ZNF749: variants seen among roughly 807,000 people sequenced by gnomAD.
The protein encoded by ZNF749 is zinc finger protein 749.
In ZNF749, 8 loss-of-function variants were observed where a neutral mutation model predicts 7.3. That is an observed-to-expected ratio of 1.10 (90% confidence interval 0.64 to 1.98). The LOEUF is 1.98. Among genes scored for constraint, ZNF749 ranks in the 30% most tolerant of loss-of-function variants. ZNF749 has a pLI of 0.00. For missense variants in ZNF749, 898 were observed against 932.4 expected (o/e 0.96, Z 0.48); for synonymous variants, 310 against 322.4 (o/e 0.96, Z 0.41).
chr19:57,435,323 G>A (rs2088922692), upstream of ZNF749: 6 of 603,600 alleles, frequency 9.9e-6, no homozygotes, highest in Non-Finnish European at 1.8e-5. Context: ...TGTGTGGGCG[G>A]GACTTCTGGC....
Position 57,441,959 on chromosome 19 carries a change from A to G in ZNF749, c.90A>G (p.Arg30=). 1 of 1,614,080 alleles carries G rather than the reference A, an allele frequency of 6.2e-7. No homozygotes were observed. Among genetic ancestry groups the G allele is most frequent in the Non-Finnish European group, 8.5e-7 (1 of 1,180,014 alleles). ...GGGGGATCCTTAATGATGCTCAGAGACACCTGCACAGCAATGTGATGTTGG... is the reference window on the plus strand; with the variant it reads ...GGGGGATCCTTAATGATGCTCAGAGGCACCTGCACAGCAATGTGATGTTGG... ...EEWGILNDAQ[R]HLHSNVMLEN... The change falls in exon 2 of 3, where the codon AGA becomes AGG. Residue 30 remains arginine, a synonymous_variant. Transcript: ENST00000334181.
chr19:57,432,727 A>G (rs1188442372), upstream of ZNF749, among the ~76,000 whole-genome samples: 1 of 152,184 alleles, frequency 6.6e-6, no homozygotes, highest in African/African-American at 2.4e-5. Flanking sequence ...TGTGGTTACT[A>G]TACCTGTTTG....
the ZNF749 span, among the ~76,000 whole-genome samples, chr19:57,429,963 G>T: frequency 1.3e-5 from 2 of 152,200 alleles, no homozygotes; most frequent in Non-Finnish European, 2.9e-5. This position sits in a 1 kb window ranked among gnomAD's most constrained non-coding sequence, Gnocchi z 4.2. Flanking sequence ...GCTTTTAGGA[G>T]ACTTGATCTT....
intron 1 of ZNF749, among the ~76,000 whole-genome samples, chr19:57,438,611 G>A (rs1421491408): frequency 6.6e-6 from 1 of 152,180 alleles, no homozygotes; most frequent in Non-Finnish European, 1.5e-5. Flanking sequence ...CCATTGCAGT[G>A]GCAGCAATGC....
chr19:57,444,373 C>T lies in ZNF749; in HGVS notation c.1225C>T (p.Leu409Phe). ...MHQRVHAGKRLYKCSECGKAF... is the reference protein window; with the variant it reads ...MHQRVHAGKRFYKCSECGKAF... Reference sequence around the variant, plus strand: ...CCAGAGAGTTCATGCTGGCAAAAGGCTTTATAAGTGTAGCGAATGTGGGAA... The same window carrying T: ...CCAGAGAGTTCATGCTGGCAAAAGGTTTTATAAGTGTAGCGAATGTGGGAA... Residue 409 changes from leucine to phenylalanine, a missense_variant, in exon 3 of 3, where the codon CTT becomes TTT. Physicochemically the swap from Leu to Phe is conservative, Grantham distance 22. Transcript: ENST00000334181. 6.2e-7 allele frequency: 1 copy of T among 1,614,094 alleles called. No homozygotes were observed. The highest frequency in any genetic ancestry group is 2.2e-5 in the East Asian group (1 of 44,876).
intron 1 of ZNF749, among the ~76,000 whole-genome samples, chr19:57,440,444 G>T (rs1032608364): frequency 6.6e-6 from 1 of 151,744 alleles, no homozygotes; most frequent in Non-Finnish European, 1.5e-5. Flanking sequence ...CTTGGGTTTT[G>T]GGGGGGCTGA....
rs200799405 is a variant in ZNF749, at chr19:57,444,788, A to G, written c.1640A>G (p.Lys547Arg). ...FSKRSDLIQH[K>R]RIDLRPRPYV... ...AAAAGGTCTGACCTCATTCAACACA[A>G]GAGGATTGACCTCAGGCCAAGGCCT... Residue 547 changes from lysine to arginine, a missense_variant, in exon 3 of 3, where the codon AAG (lysine) becomes AGG (arginine). Coordinates refer to ENST00000334181, the MANE Select transcript of ZNF749 (RefSeq NM_001023561.4). 46 of 1,614,088 alleles carry G rather than the reference A, an allele frequency of 2.8e-5. No homozygotes were observed. In the African/African-American group the frequency reaches 5.2e-4, roughly 18 times the overall value.
At position 57,435,452 on chromosome 19, in the gene ZNF749, C is replaced by T. The variant is rs2088924736; in HGVS notation, c.-127C>T. The T allele has an allele frequency of 7.2e-7, 1 of 1,391,262 alleles. No homozygotes were observed. The highest frequency in any genetic ancestry group is 9.9e-7 in the Non-Finnish European group (1 of 1,012,362). 86.2% of individuals were successfully genotyped at this position (1,391,262 alleles called of 1,614,324 possible). A position where few individuals can be genotyped will look rare whatever the true frequency, so the allele number is the denominator to read the frequency against. On this transcript the variant is annotated 5_prime_UTR_variant, in exon 1 of 3. Transcript: ENST00000334181. ...GCGGAAAAACGCGAGAAGCGGTGTT[C>T]CTTCTACACAGAGGCTAGAGTGCGG...
chr19:57,445,168 G>A lies in ZNF749; in HGVS notation c.2020G>A (p.Gly674Arg). 1 of 1,614,100 alleles carries A rather than the reference G, an allele frequency of 6.2e-7. No homozygotes were observed. Among genetic ancestry groups the A allele is most frequent in the Non-Finnish European group, 8.5e-7 (1 of 1,180,010 alleles). ...AAAGCCTTATGAATGCAGCAACTGT[G>A]GGAAGTTTCTTAGATACCGCTCTAC... The part of the protein sequence containing the change: ...GEKPYECSNC[G>R]KFLRYRSTFI... Residue 674 changes from glycine (G) to arginine (R), a missense_variant, in exon 3 of 3, where the codon GGG becomes AGG. Gly to Arg is a moderately radical substitution (Grantham distance 125). Coordinates refer to ENST00000334181, the MANE Select transcript of ZNF749 (RefSeq NM_001023561.4).
the ZNF749 span, among the ~76,000 whole-genome samples, chr19:57,430,189 T>A: frequency 6.6e-6 from 1 of 152,190 alleles, no homozygotes; most frequent in South Asian, 2.1e-4. Flanking sequence ...GAAGAGACAT[T>A]TATTGGCTCG....
Position 57,445,522 on chromosome 19 carries a change from T to G in ZNF749, c.*37T>G. 3 of 1,565,102 alleles carry G rather than the reference T, an allele frequency of 1.9e-6. No individual in the cohort carries two copies. Among genetic ancestry groups the G allele is most frequent in the South Asian group, 1.2e-5 (1 of 82,200 alleles). ...CAGGAAAGTCACCAAAACTGTCACC[T>G]CATTCAGCACCAAAAGGTTCACATC... is the stretch of plus-strand genomic sequence containing the variant. On this transcript the variant is annotated 3_prime_UTR_variant, in exon 3 of 3. Coordinates refer to ENST00000334181, the MANE Select transcript of ZNF749 (RefSeq NM_001023561.4).
intron 1 of ZNF749, among the ~76,000 whole-genome samples, chr19:57,437,105 A>G (rs754493608): frequency 6.6e-6 from 1 of 152,232 alleles, no homozygotes; most frequent in Non-Finnish European, 1.5e-5. Context: ...TATAGATTAC[A>G]GAAACATGAA....
chr19:57,433,111 AGTGTGTGTGTGTGTGT>A (rs71186260), upstream of ZNF749, among the ~76,000 whole-genome samples: 396 of 143,502 alleles, frequency 2.8e-3, 1 homozygote, highest in African/African-American at 8.5e-3. Context: ...AGTCTTGAGG[AGTGTGTGTGTGTGTGT>A]GTGTGTGTGT....
chr19:57,432,905 A>C (rs1447228257), upstream of ZNF749, among the ~76,000 whole-genome samples: 2 of 152,206 alleles, frequency 1.3e-5, no homozygotes, highest in African/African-American at 2.4e-5. Flanking sequence ...GCATTCATGG[A>C]CTGCAAACAG....
chr19:57,445,449 T>G lies in ZNF749; in HGVS notation c.2301T>G (p.Ile767Met), dbSNP rs2089054523. The G allele has an allele frequency of 1.2e-6, 2 of 1,612,272 alleles. No homozygotes were observed. Among genetic ancestry groups the G allele is most frequent in the Non-Finnish European group, 1.7e-6 (2 of 1,179,144 alleles). Residue 767 changes from isoleucine (I) to methionine (M), a missense_variant, in exon 3 of 3, where the codon ATT becomes ATG. Coordinates refer to ENST00000334181, the MANE Select transcript of ZNF749 (RefSeq NM_001023561.4). The part of the protein sequence containing the change: ...SKVFKYNSSL[I>M]KHQIIHTGKR... The stretch of plus-strand genomic sequence containing the variant: ...TGTTTAAATACAACTCCAGCCTCAT[T>G]AAACATCAGATAATTCATACTGGAA...
Position 57,445,652 on chromosome 19 carries a change from G to T in ZNF749, c.*167G>T. ...ACTACATTAAAAACATTTATGTCCA[G>T]GCGTGGTGGCTCACGCCTGTAATCC... On this transcript the variant is annotated 3_prime_UTR_variant, in exon 3 of 3. Coordinates refer to ENST00000334181, the MANE Select transcript of ZNF749 (RefSeq NM_001023561.4). 1.3e-6 allele frequency: 1 copy of T among 767,170 alleles called. No individual in the cohort carries two copies. The highest frequency in any genetic ancestry group is 1.6e-6 in the Non-Finnish European group (1 of 630,920). The allele number at this position is 767,170 out of a possible 1,614,324, so 47.5% of individuals were successfully genotyped here.
At position 57,439,546 on chromosome 19, in the gene ZNF749, G is replaced by A. The variant is rs1319483951; in HGVS notation, c.16-2339G>A. ...CCAGCACTTTGGGAGGCAGAGGTGG[G>A]AAGATTGCTTGAGGCCAGCCTGGGC... On this transcript the variant is annotated intron_variant, in intron 1 of 2. Coordinates refer to ENST00000334181, the MANE Select transcript of ZNF749 (RefSeq NM_001023561.4). This position sits in a 1 kb window ranked among gnomAD's most constrained non-coding sequence, Gnocchi z 4.3. 6.6e-6 allele frequency among the ~76,000 whole-genome samples: 1 copy of A among 152,048 alleles called. No homozygotes were observed. Among genetic ancestry groups the A allele is most frequent in the East Asian group, 1.9e-4 (1 of 5,186 alleles).
rs756045821 is a variant in ZNF749 at position 57,444,787 on chromosome 19, A to G, written c.1639A>G (p.Lys547Glu). The part of the protein sequence containing the change: ...FSKRSDLIQH[K>E]RIDLRPRPYV... ...AAAAAGGTCTGACCTCATTCAACAC[A>G]AGAGGATTGACCTCAGGCCAAGGCC... The change falls in exon 3 of 3, where the codon AAG becomes GAG. Residue 547 changes from lysine (K) to glutamate (E), a missense_variant. Lys to Glu is a moderately conservative substitution (Grantham distance 56, BLOSUM62 1). Coordinates refer to ENST00000334181, the MANE Select transcript of ZNF749 (RefSeq NM_001023561.4). The G allele has an allele frequency of 6.2e-7, 1 of 1,614,060 alleles. No individual in the cohort carries two copies. Among genetic ancestry groups the G allele is most frequent in the South Asian group, 1.1e-5 (1 of 91,082 alleles).
intron 2 of ZNF749, among the ~76,000 whole-genome samples, chr19:57,443,074 T>C (rs373757368): frequency 1.3e-5 from 2 of 152,316 alleles, no homozygotes; most frequent in Admixed American, 6.5e-5. Context: ...CCCTGCATGG[T>C]ACTTCTCCCT....
Sources: gnomAD v4.1 joint callset for allele counts (sites outside exome capture counted in the v4.1 genomes callset) on GRCh38, gnomAD v4.1.1 for gene constraint, Gnocchi (gnomAD v3.1) non-coding constraint, MANE v1.5 for transcripts, NCBI Gene and HGNC (gene_info 2026-07-23, HGNC 2026-07-21) for gene names.